Variants in CERS6 observed in about 807,000 individuals in gnomAD.
CERS6 encodes the protein LAG1 homolog, ceramide synthase 6.
Under a neutral mutation model 56.8 loss-of-function variants are expected in CERS6, and 26 were observed. The observed-to-expected ratio is 0.46, with a 90% CI of 0.34 to 0.63. CERS6 has a LOEUF of 0.63. CERS6 is among the 30% of genes least tolerant of loss of function. The probability of loss-of-function intolerance (pLI) is 0.01; values close to 1 mark genes in which losing one functional copy is unlikely to be tolerated. For synonymous variants in CERS6, 164 were observed against 173.3 expected (o/e 0.95, Z 0.42); for missense variants, 415 against 467.5 (o/e 0.89, Z 1.04).
intron 1 of CERS6, among the ~76,000 whole-genome samples, chr2:168,508,893 T>C (rs1220677081): frequency 2.0e-5 from 3 of 152,232 alleles, no homozygotes; most frequent in Non-Finnish European, 4.4e-5. Flanking sequence ...AGTATCTTAG[T>C]GTCTGAAGTC....
intron 1 of CERS6, among the ~76,000 whole-genome samples, chr2:168,502,627 A>T (rs1277481782): frequency 1.3e-5 from 2 of 152,202 alleles, no homozygotes; most frequent in Non-Finnish European, 2.9e-5. Flanking sequence ...GTCCAGAGGA[A>T]CTTAAAAATC....
At chr2:168,728,258 G>C (rs1469688546) in intron 8 of CERS6, among the ~76,000 whole-genome samples, 1 of 152,018 alleles carries the variant, frequency 6.6e-6, no homozygotes, top group Non-Finnish European at 1.5e-5. Context: ...CTCTGGCTAA[G>C]CCATTAAACA....
chr2:168,492,656 T>A (rs947019291), intron 1 of CERS6, among the ~76,000 whole-genome samples: 3 of 152,236 alleles, frequency 2.0e-5, no homozygotes, highest in East Asian at 1.9e-4. Context: ...TTGTTGCCAT[T>A]GCTTTTGGTG....
chr2:168,752,223 G>C (rs1684289735), intron 8 of CERS6, among the ~76,000 whole-genome samples: 1 of 151,728 alleles, frequency 6.6e-6, no homozygotes, highest in Non-Finnish European at 1.5e-5. Flanking sequence ...AGGATCATTT[G>C]AGCCCAGGAG....
chr2:168,508,719 G>A (rs1694724877), intron 1 of CERS6, among the ~76,000 whole-genome samples: 3 of 152,054 alleles, frequency 2.0e-5, no homozygotes, highest in African/African-American at 7.2e-5. Flanking sequence ...CGGGGGGTGG[G>A]GGGTAGGGGA....
intron 8 of CERS6, among the ~76,000 whole-genome samples, chr2:168,729,975 T>TA (rs1172042183): frequency 2.0e-5 from 3 of 152,188 alleles, no homozygotes; most frequent in African/African-American, 7.2e-5. Flanking sequence ...CAGCTAGCAC[T>TA]AAAAAACCAT....
intron 6 of CERS6, among the ~76,000 whole-genome samples, chr2:168,705,700 T>C (rs1686922576): frequency 2.0e-5 from 3 of 152,216 alleles, no homozygotes; most frequent in Admixed American, 2.0e-4. Flanking sequence ...AGTAAATGGA[T>C]GATGGCTTTT....
intron 1 of CERS6, among the ~76,000 whole-genome samples, chr2:168,474,734 A>G (rs1176517420): frequency 6.6e-6 from 1 of 152,212 alleles, no homozygotes; most frequent in Non-Finnish European, 1.5e-5. Flanking sequence ...ATCTATTGCA[A>G]ACATTTATTT....
intron 4 of CERS6, among the ~76,000 whole-genome samples, chr2:168,639,193 G>A (rs1473564987): frequency 6.6e-6 from 1 of 152,222 alleles, no homozygotes; most frequent in African/African-American, 2.4e-5. Context: ...TTTATATGCT[G>A]TGACAAAACT....
intron 1 of CERS6, among the ~76,000 whole-genome samples, chr2:168,529,170 T>C (rs181187069): frequency 1.5e-4 from 23 of 152,348 alleles, no homozygotes; most frequent in African/African-American, 4.1e-4. Flanking sequence ...TTCTTAATTA[T>C]TCTCCATTTC....
chr2:168,751,610 A>G (rs914405908), intron 8 of CERS6, among the ~76,000 whole-genome samples: 4 of 152,024 alleles, frequency 2.6e-5, no homozygotes, highest in East Asian at 1.9e-4. Context: ...AGTGGCCTCT[A>G]TGCAGTGTCT....
intron 1 of CERS6, among the ~76,000 whole-genome samples, chr2:168,477,218 A>T (rs554161157): frequency 8.2e-4 from 109 of 132,514 alleles, no homozygotes; most frequent in African/African-American, 2.5e-3. Flanking sequence ...AGAGAGAGAG[A>T]GTCTCATAGG....
intron 6 of CERS6, among the ~76,000 whole-genome samples, chr2:168,703,471 T>G (rs1686854021): frequency 6.6e-6 from 1 of 151,814 alleles, no homozygotes; most frequent in Admixed American, 6.5e-5. Context: ...GGCAGGAGAA[T>G]CACTTGAACC....
At chr2:168,615,917 A>C (rs1057069815) in intron 3 of CERS6, among the ~76,000 whole-genome samples, 1 of 152,242 alleles carries the variant, frequency 6.6e-6, no homozygotes, top group African/African-American at 2.4e-5. Context: ...GCACACTGTC[A>C]TCAGGTAGTC....
intron 1 of CERS6, among the ~76,000 whole-genome samples, chr2:168,521,455 T>C (rs1178551223): frequency 6.6e-6 from 1 of 152,106 alleles, no homozygotes; most frequent in Non-Finnish European, 1.5e-5. Flanking sequence ...ATAAAGGGTG[T>C]GTCCCTGGCT....
intron 3 of CERS6, among the ~76,000 whole-genome samples, chr2:168,568,796 A>G (rs972758546): frequency 2.6e-5 from 4 of 152,242 alleles, no homozygotes; most frequent in African/African-American, 9.6e-5. Flanking sequence ...CATATGCTGC[A>G]TTCCTAAAAA....
chr2:168,652,661 T>G (rs780452251), intron 4 of CERS6, among the ~76,000 whole-genome samples: 2 of 151,880 alleles, frequency 1.3e-5, no homozygotes, highest in Non-Finnish European at 2.9e-5. Flanking sequence ...CTTAATCGGA[T>G]TTGATTATTT....
At chr2:168,761,661 C>T (rs1157613794) in intron 8 of CERS6, among the ~76,000 whole-genome samples, 3 of 152,184 alleles carry the variant, frequency 2.0e-5, no homozygotes, top group Middle Eastern at 3.4e-3. Flanking sequence ...AATCAACAAA[C>T]GTGTCTAGCC....
At chr2:168,502,203 T>C (rs543908215) in intron 1 of CERS6, among the ~76,000 whole-genome samples, 1 of 152,120 alleles carries the variant, frequency 6.6e-6, no homozygotes, top group Non-Finnish European at 1.5e-5. Context: ...TTAAAATCTG[T>C]CTTTGCAGAG....
Sources: allele counts gnomAD v4.1 joint callset (sites outside exome capture counted in the v4.1 genomes callset), GRCh38; gene constraint gnomAD v4.1.1; transcripts MANE v1.5; gene names NCBI Gene and HGNC (gene_info 2026-07-23, HGNC 2026-07-21).